AK4: variants seen among roughly 807,000 people sequenced by gnomAD.
AK4 encodes adenylate kinase 4.
Under a neutral mutation model 24.6 loss-of-function variants are expected in AK4, and 13 were observed. The observed-to-expected ratio is 0.53, with a 90% CI of 0.34 to 0.84. AK4 has a LOEUF of 0.84. Ranked by LOEUF, AK4 falls within the 40% of genes least tolerant of loss-of-function variation. AK4 has a pLI of 0.01. For synonymous variants in AK4, 88 were observed against 107.0 expected, an observed-to-expected ratio of 0.82 and a Z score of 1.10; for missense variants, 192 against 288.2, an observed-to-expected ratio of 0.67 and a Z score of 2.42.
upstream of AK4, chr1:65,147,569 G>C (rs1036850520): frequency 6.6e-6 from 1 of 151,846 alleles, no homozygotes; most frequent in Non-Finnish European, 1.5e-5. Context: ...CGCGAGTCCC[G>C]CGCGGCCGGC....
chr1:65,212,395 C>T (rs1300359098), intron 2 of AK4, among the ~76,000 whole-genome samples: 1 of 151,892 alleles, frequency 6.6e-6, no homozygotes, highest in Non-Finnish European at 1.5e-5. Flanking sequence ...CTCCTGGGCT[C>T]AGGTGATCTT....
chr1:65,157,631 G>A (rs1425961655), intron 1 of AK4, among the ~76,000 whole-genome samples: 1 of 151,998 alleles, frequency 6.6e-6, no homozygotes, highest in Non-Finnish European at 1.5e-5. Flanking sequence ...TAAAAATAAT[G>A]TAAGAAAATT....
intron 1 of AK4, among the ~76,000 whole-genome samples, chr1:65,171,281 T>C (rs566402063): frequency 7.4e-5 from 11 of 148,086 alleles, no homozygotes; most frequent in African/African-American, 1.5e-4. Flanking sequence ...TATAGACTTA[T>C]TCTGTGTTTC....
At chr1:65,170,967 T>C in intron 1 of AK4, among the ~76,000 whole-genome samples, 1 of 149,338 alleles carries the variant, frequency 6.7e-6, no homozygotes, top group Admixed American at 6.6e-5. Flanking sequence ...TTTTTTTTTT[T>C]TTTTTTTTGA....
chr1:65,223,682 A>T (rs1217061804), intron 3 of AK4, among the ~76,000 whole-genome samples: 1 of 152,164 alleles, frequency 6.6e-6, no homozygotes, highest in Non-Finnish European at 1.5e-5. Context: ...GCAGAAAATC[A>T]TATACATTTT....
Position 65,148,531 on chromosome 1 carries a change from G to A in AK4, c.124G>A (p.Glu42Lys). The change falls in exon 1 of 5, where the codon GAG becomes AAG. Residue 42 changes from glutamate to lysine, a missense_variant. By Grantham distance (56) the Glu-to-Lys change is moderately conservative (BLOSUM62 1). Transcript: ENST00000327299. Reference protein sequence around the residue: ...QHLSSGHFLRENIKASTEVGE... With the variant: ...QHLSSGHFLRKNIKASTEVGE... ...TCTCTCCAGCGGCCACTTCTTGCGG[G>A]AGAACATCAAGGCCAGCACCGGTGA... 6.2e-7 allele frequency: 1 copy of A among 1,600,566 alleles called. No homozygotes were observed. The highest frequency in any genetic ancestry group is 1.1e-5 in the South Asian group (1 of 88,904).
intron 1 of AK4, among the ~76,000 whole-genome samples, chr1:65,164,215 C>A (rs1650257965): frequency 6.6e-6 from 1 of 152,096 alleles, no homozygotes; most frequent in Admixed American, 6.6e-5. Flanking sequence ...GTACTGAATT[C>A]CCTCCCAAAG....
At chr1:65,150,283 CTCTTT>C (rs1029738427) in intron 1 of AK4, among the ~76,000 whole-genome samples, 5 of 109,960 alleles carry the variant, frequency 4.5e-5, no homozygotes, top group African/African-American at 3.3e-4. Context: ...CTCTCTCTCT[CTCTTT>C]TTTTTTTTTA....
At chr1:65,148,191 AG>A, upstream of AK4, 1 of 989,366 alleles carries the variant, frequency 1.0e-6, no homozygotes, top group South Asian at 1.9e-5. Flanking sequence ...GGGGAGGTGT[AG>A]CGTGGCGCTC....
rs756118638 is a variant in AK4 at position 65,218,853 on chromosome 1, G to A, written c.365G>A (p.Arg122His). The A allele has an allele frequency of 2.0e-5, 32 of 1,606,696 alleles. No homozygotes were observed. The South Asian group carries it at 2.4e-4, about 12-fold the overall frequency. Residue 122 changes from arginine (R) to histidine (H), a missense_variant, in exon 3 of 5, where the codon CGT (arginine) becomes CAT (histidine). Coordinates refer to ENST00000327299, the MANE Select transcript of AK4 (RefSeq NM_013410.4). ...ATTCCATTTGAAACACTTAAAGATC[G>A]TCTCAGCCGCCGTTGGATTCACCCT... ...LNIPFETLKDRLSRRWIHPPS... is the reference protein window; with the variant it reads ...LNIPFETLKDHLSRRWIHPPS...
chr1:65,155,289 A>G (rs181665971), intron 1 of AK4, among the ~76,000 whole-genome samples: 8 of 152,100 alleles, frequency 5.3e-5, no homozygotes, highest in Admixed American at 4.6e-4. Context: ...CCTGGCCAAC[A>G]TGGCAAAATT....
At chr1:65,185,422 A>C (rs1651064700) in intron 1 of AK4, among the ~76,000 whole-genome samples, 1 of 152,108 alleles carries the variant, frequency 6.6e-6, no homozygotes, top group Non-Finnish European at 1.5e-5. Context: ...CCCATCTAGC[A>C]CCATCTCTTA....
At chr1:65,207,146 C>T (rs1651836015) in intron 2 of AK4, among the ~76,000 whole-genome samples, 1 of 152,132 alleles carries the variant, frequency 6.6e-6, no homozygotes, top group African/African-American at 2.4e-5. Flanking sequence ...AGTGGATCAC[C>T]AAGTAGTGAT....
chr1:65,153,749 C>T (rs909221976), intron 1 of AK4, among the ~76,000 whole-genome samples: 7 of 152,008 alleles, frequency 4.6e-5, no homozygotes, highest in Non-Finnish European at 1.0e-4. Context: ...TAGGGAAGGC[C>T]TCTCCAGGAG....
At chr1:65,158,595 G>A (rs1245896034) in intron 1 of AK4, among the ~76,000 whole-genome samples, 1 of 152,118 alleles carries the variant, frequency 6.6e-6, no homozygotes, top group Non-Finnish European at 1.5e-5. Flanking sequence ...CTGCCTCCTG[G>A]GTTCAAGCGA....
chr1:65,182,250 C>A (rs184053470), intron 1 of AK4, among the ~76,000 whole-genome samples: 117 of 152,168 alleles, frequency 7.7e-4, no homozygotes, highest in Non-Finnish European at 1.4e-3. Flanking sequence ...TCTTTAGTGC[C>A]TTGTGTGGTA....
At position 65,226,512 on chromosome 1, in the gene AK4, T is replaced by G. The variant is rs1557472828; in HGVS notation, c.*335T>G. ...TGTTGCTGTGGTAATATTTTTGACATGTGATGGTGATAGTCTCTGGTTCTC... is the reference window on the plus strand; with the variant it reads ...TGTTGCTGTGGTAATATTTTTGACAGGTGATGGTGATAGTCTCTGGTTCTC... On this transcript the variant is annotated 3_prime_UTR_variant, in exon 5 of 5. Coordinates refer to ENST00000327299, the MANE Select transcript of AK4 (RefSeq NM_013410.4). 4.9e-6 allele frequency: 1 copy of G among 205,408 alleles called. No individual in the cohort carries two copies. The allele number at this position is 205,408 out of a possible 1,614,324, so 12.7% of individuals were successfully genotyped here.
At chr1:65,198,375 T>C (rs1651551420) in intron 2 of AK4, among the ~76,000 whole-genome samples, 1 of 152,194 alleles carries the variant, frequency 6.6e-6, no homozygotes, top group African/African-American at 2.4e-5. Context: ...GCCCCTCTCA[T>C]TGTAGCTCTG....
chr1:65,159,990 A>AAG (rs35729654), intron 1 of AK4, among the ~76,000 whole-genome samples: 2 of 151,158 alleles, frequency 1.3e-5, no homozygotes, highest in East Asian at 3.9e-4. Context: ...AAAAAAAAAA[A>AAG]GTTGAGTGAC....
Sources: allele counts gnomAD v4.1 joint callset (sites outside exome capture counted in the v4.1 genomes callset), GRCh38; gene constraint gnomAD v4.1.1; transcripts MANE v1.5; gene names NCBI Gene and HGNC (gene_info 2026-07-23, HGNC 2026-07-21).